PAPSS1: variants seen among roughly 807,000 people sequenced by gnomAD.
PAPSS1 encodes the protein bifunctional 3'-phosphoadenosine 5'-phosphosulfate synthase 1.
A neutral mutation model predicts 72.0 loss-of-function variants in PAPSS1; 50 were observed. The observed-to-expected ratio is 0.69, with a 90% CI of 0.55 to 0.88. PAPSS1 has a LOEUF of 0.88. PAPSS1 is among the 40% of genes least tolerant of loss of function. The probability of loss-of-function intolerance (pLI) is 0.00; values close to 1 mark genes in which losing one functional copy is unlikely to be tolerated. For synonymous variants in PAPSS1, 261 were observed against 263.6 expected, an observed-to-expected ratio of 0.99 and a Z score of 0.09; for missense variants, 657 against 782.2, an observed-to-expected ratio of 0.84 and a Z score of 1.91.
intron 1 of PAPSS1, among the ~76,000 whole-genome samples, chr4:107,717,081 T>TA (rs67961519): frequency 0.024 from 3,507 of 147,804 alleles, 122 homozygotes; most frequent in African/African-American, 0.079. Context: ...GTACTAACTG[T>TA]AAAAAAAAAA....
chr4:107,681,893 T>C (rs1722624237), intron 5 of PAPSS1, 122 bp downstream of exon 5: 4 of 599,230 alleles, frequency 6.7e-6, no homozygotes, highest in South Asian at 6.2e-5. Flanking sequence ...ACTGTTGGCA[T>C]TTCGAAGCAT....
At chr4:107,690,075 C>T (rs77183199) in intron 3 of PAPSS1, among the ~76,000 whole-genome samples, 2,778 of 152,244 alleles carry the variant, frequency 0.018, 86 homozygotes, top group African/African-American at 0.061. Flanking sequence ...GCTGGTGCTA[C>T]GGCAAGCCTC....
chr4:107,621,608 CTTTTTTT>C (rs10670438), intron 11 of PAPSS1, among the ~76,000 whole-genome samples: 1,776 of 48,042 alleles, frequency 0.037, 26 homozygotes, highest in African/African-American at 0.12. Flanking sequence ...GGTTTTTTAT[CTTTTTTT>C]TTTTTTTTTT....
intron 9 of PAPSS1, among the ~76,000 whole-genome samples, chr4:107,646,726 C>T (rs917249459): frequency 6.6e-6 from 1 of 152,158 alleles, no homozygotes; most frequent in Non-Finnish European, 1.5e-5. Context: ...CTCTCAGGTG[C>T]CTGAGGTCAC....
intron 1 of PAPSS1, among the ~76,000 whole-genome samples, chr4:107,701,590 T>A (rs1723206745): frequency 6.6e-6 from 1 of 152,130 alleles, no homozygotes. Context: ...AGTGGCAGAC[T>A]CCAGAGCCTA....
chr4:107,628,807 T>C (rs1726160273), intron 11 of PAPSS1, among the ~76,000 whole-genome samples: 1 of 152,222 alleles, frequency 6.6e-6, no homozygotes, highest in Non-Finnish European at 1.5e-5. Context: ...CCCTGTCCAC[T>C]GCCTTTATTC....
At position 107,693,775 on chromosome 4, in the gene PAPSS1, G is replaced by T; in HGVS notation, c.407C>A (p.Thr136Asn). ...AATGGCACAAAAACCACATACCTGA[G>T]TGTAAGGTGATATGAAACTTGTGAT... ...VCITSFISPY[T>N]QDRNNARQIH... The change falls in exon 3 of 12, where the codon ACT (threonine) becomes AAT (asparagine). Residue 136 changes from threonine to asparagine, a missense_variant. Around this residue, in one of 7 missense-constraint regions of PAPSS1, gnomAD observed 119 missense variants for 171.1 expected, o/e 0.70. Transcript: ENST00000265174. 6.2e-7 allele frequency: 1 copy of T among 1,608,882 alleles called. No individual in the cohort carries two copies. The highest frequency in any genetic ancestry group is 8.5e-7 in the Non-Finnish European group (1 of 1,175,384).
intron 1 of PAPSS1, among the ~76,000 whole-genome samples, chr4:107,716,195 G>T (rs1723636045): frequency 6.6e-6 from 1 of 152,216 alleles, no homozygotes; most frequent in Non-Finnish European, 1.5e-5. Flanking sequence ...ATAGCAGAGA[G>T]AATGCAACAT....
intron 10 of PAPSS1, among the ~76,000 whole-genome samples, chr4:107,641,494 T>C (rs561820539): frequency 2.6e-5 from 4 of 152,350 alleles, no homozygotes; most frequent in Non-Finnish European, 2.9e-5. Context: ...TTAATCACTG[T>C]ACAGCTCTGG....
intron 5 of PAPSS1, among the ~76,000 whole-genome samples, chr4:107,664,445 C>A (rs183567392): frequency 6.6e-6 from 1 of 152,180 alleles, no homozygotes; most frequent in Non-Finnish European, 1.5e-5. Flanking sequence ...CTCACAAAGA[C>A]TGAAGACCAG....
intron 11 of PAPSS1, among the ~76,000 whole-genome samples, chr4:107,617,882 G>A (rs537688338): frequency 6.6e-6 from 1 of 152,224 alleles, no homozygotes; most frequent in African/African-American, 2.4e-5. Context: ...AGATGAGCTG[G>A]TTACTATAGT....
intron 4 of PAPSS1, among the ~76,000 whole-genome samples, chr4:107,685,430 G>C (rs1722758237): frequency 1.3e-5 from 2 of 152,184 alleles, no homozygotes; most frequent in South Asian, 4.1e-4. Context: ...AAAAGGTTTA[G>C]ACTTTATTTA....
chr4:107,653,541 T>C lies in PAPSS1; in HGVS notation c.1187A>G (p.Tyr396Cys). ...RVYWNDGLDQ[Y>C]RLTPTELKQK... Reference sequence around the variant, plus strand: ...CTTTAGCTCAGTAGGAGTAAGACGATACTGATCAAGACCATCATTCCAATA... The same window carrying C: ...CTTTAGCTCAGTAGGAGTAAGACGACACTGATCAAGACCATCATTCCAATA... Residue 396 changes from tyrosine to cysteine, a missense_variant, in exon 9 of 12, where the codon TAT (tyrosine) becomes TGT (cysteine). This residue lies in a region of PAPSS1 where 166 missense variants were observed against 228.3 expected (regional missense o/e 0.73). Transcript: ENST00000265174. 1 of 1,612,956 alleles carries C rather than the reference T, an allele frequency of 6.2e-7. No individual in the cohort carries two copies.
intron 5 of PAPSS1, among the ~76,000 whole-genome samples, chr4:107,680,322 T>G (rs1241701441): frequency 6.7e-6 from 1 of 150,094 alleles, no homozygotes; most frequent in African/African-American, 2.5e-5. Context: ...AATTCAGACA[T>G]GAAAAAAAAA....
In PAPSS1 at chr4:107,718,086, C is replaced by A. The variant is rs192303008; in HGVS notation, c.60+2034G>T. On this transcript the variant is annotated intron_variant, in intron 1 of 11. Coordinates refer to ENST00000265174, the MANE Select transcript of PAPSS1 (RefSeq NM_005443.5). ...CAGGGTCTACATTTCTTCAGCGGAA[C>A]ATTCTTCCTGGATTACCAATTTTAT... Among the ~76,000 whole-genome samples the A allele has an allele frequency of 5.3e-5, 8 of 152,340 alleles. No homozygotes were observed. The South Asian group carries it at 1.4e-3, about 28-fold the overall frequency.
chr4:107,615,749 A>G (rs1725803447), intron 11 of PAPSS1, among the ~76,000 whole-genome samples: 1 of 152,214 alleles, frequency 6.6e-6, no homozygotes, highest in Non-Finnish European at 1.5e-5. Flanking sequence ...AAACATTGCT[A>G]TGAACTTATA....
chr4:107,703,768 A>G (rs1228774620), intron 1 of PAPSS1, among the ~76,000 whole-genome samples: 1 of 152,172 alleles, frequency 6.6e-6, no homozygotes, highest in African/African-American at 2.4e-5. Context: ...AGTGTGTTTT[A>G]AAGTTACGTA....
intron 11 of PAPSS1, among the ~76,000 whole-genome samples, chr4:107,630,630 T>C (rs1466175728): frequency 1.3e-5 from 2 of 152,170 alleles, no homozygotes; most frequent in Non-Finnish European, 2.9e-5. Flanking sequence ...TGTTCAATAC[T>C]ACCAATAATT....
intron 1 of PAPSS1, among the ~76,000 whole-genome samples, chr4:107,719,162 A>T (rs1414802596): frequency 6.6e-6 from 1 of 150,706 alleles, no homozygotes; most frequent in Non-Finnish European, 1.5e-5. Flanking sequence ...AATGACTTCC[A>T]AAGAACATTT....
Sources: allele counts gnomAD v4.1 joint callset (sites outside exome capture counted in the v4.1 genomes callset), GRCh38; gene constraint gnomAD v4.1.1; regional missense constraint gnomAD v4.1.1; transcripts MANE v1.5; gene names NCBI Gene and HGNC (gene_info 2026-07-23, HGNC 2026-07-21).